Variants in RNF11 observed in about 807,000 individuals in gnomAD.
The protein encoded by RNF11 is ring finger protein 11.
A neutral mutation model predicts 15.8 loss-of-function variants in RNF11; 4 were observed. The ratio of observed to expected loss-of-function variants is 0.25; its 90% CI spans 0.12 to 0.58. RNF11 has a LOEUF of 0.58. Ranked by LOEUF, RNF11 falls within the 20% of genes least tolerant of loss-of-function variation. The probability of loss-of-function intolerance (pLI) is 0.91; values close to 1 mark genes in which losing one functional copy is unlikely to be tolerated. For missense variants in RNF11, 139 were observed against 194.4 expected (o/e 0.71, Z 1.70); for synonymous variants, 68 against 72.3 (o/e 0.94, Z 0.30).
intron 1 of RNF11, among the ~76,000 whole-genome samples, chr1:51,244,664 G>A (rs1164259230): frequency 6.6e-6 from 1 of 152,034 alleles, no homozygotes; most frequent in African/African-American, 2.4e-5. Flanking sequence ...GTGAGCCACC[G>A]CGCCCAGCCT....
At chr1:51,239,658 C>A (rs1376741972) in intron 1 of RNF11, among the ~76,000 whole-genome samples, 1 of 152,142 alleles carries the variant, frequency 6.6e-6, no homozygotes, top group Admixed American at 6.5e-5. Context: ...TCAGGTGATC[C>A]TCCTCCCTCA....
At chr1:51,246,765 A>G (rs1436698860) in intron 1 of RNF11, among the ~76,000 whole-genome samples, 6 of 152,126 alleles carry the variant, frequency 3.9e-5, no homozygotes, top group Non-Finnish European at 1.5e-5. Flanking sequence ...ATAAGATGAA[A>G]AGTTATGGAG....
In RNF11 at chr1:51,236,305, C is replaced by T. The variant is rs1306491820; in HGVS notation, c.-452C>T. 2.6e-5 allele frequency: 4 copies of T among 152,584 alleles called. No individual in the cohort carries two copies. Among genetic ancestry groups the T allele is most frequent in the Admixed American group, 6.5e-5 (1 of 15,294 alleles). 9.5% of individuals were successfully genotyped at this position (152,584 alleles called of 1,614,324 possible). ...GAGCCGGCCTCGTTCTGGCTGCCGC[C>T]GTCTCGCTGAGGCGGAGTAGGATGA... On this transcript the variant is annotated 5_prime_UTR_variant, in exon 1 of 3. Coordinates refer to ENST00000242719, the MANE Select transcript of RNF11 (RefSeq NM_014372.5).
At chr1:51,251,102 C>A (rs551466101) in intron 1 of RNF11, 3 of 1,547,904 alleles carry the variant, frequency 1.9e-6, no homozygotes, top group Non-Finnish European at 2.6e-6. Context: ...TAGCAACAAA[C>A]GCCTTGAACC....
At chr1:51,264,317 TACACACACAC>T (rs376270848) in intron 1 of RNF11, among the ~76,000 whole-genome samples, 25 of 75,486 alleles carry the variant, frequency 3.3e-4, no homozygotes, top group Non-Finnish European at 5.1e-4. Flanking sequence ...TATATATATA[TACACACACAC>T]ACACACACAC....
At chr1:51,267,348 A>G (rs1462413203) in intron 1 of RNF11, among the ~76,000 whole-genome samples, 1 of 152,228 alleles carries the variant, frequency 6.6e-6, no homozygotes, top group Non-Finnish European at 1.5e-5. Flanking sequence ...GGAGGTCCTC[A>G]AAACAGTCCC....
intron 1 of RNF11, among the ~76,000 whole-genome samples, chr1:51,261,957 C>T (rs541582727): frequency 6.6e-6 from 1 of 152,078 alleles, no homozygotes; most frequent in Non-Finnish European, 1.5e-5. Context: ...CCGGTTCAAG[C>T]GATTCTCCTG....
chr1:51,245,805 C>G (rs1646849133), intron 1 of RNF11, among the ~76,000 whole-genome samples: 1 of 152,188 alleles, frequency 6.6e-6, no homozygotes, highest in Admixed American at 6.5e-5. Flanking sequence ...ACATCCCTAA[C>G]TCTGTACCTG....
intron 2 of RNF11, among the ~76,000 whole-genome samples, chr1:51,270,546 AAAAGTAAAAT>A (rs1380582287): frequency 2.0e-5 from 3 of 152,202 alleles, no homozygotes; most frequent in African/African-American, 7.2e-5. Flanking sequence ...CTCTGTCTCA[AAAAGTAAAAT>A]AAAGTAAAAT....
intron 1 of RNF11, chr1:51,251,366 G>A: frequency 6.7e-7 from 1 of 1,494,416 alleles, no homozygotes; most frequent in East Asian, 2.4e-5. Flanking sequence ...GTCTACGGCT[G>A]CGACCCCGGC....
In RNF11 at chr1:51,249,300, C is replaced by T. The variant is rs1269041363; in HGVS notation, c.123+12421C>T. 1.3e-5 allele frequency among the ~76,000 whole-genome samples: 2 copies of T among 152,146 alleles called. 1 individual carries two copies. ...GGTCGATTGATTGAGATAGGGCTCT[C>T]GCTGTGTTACCCAGGATAGCATTGG... On this transcript the variant is annotated intron_variant, in intron 1 of 2. Coordinates refer to ENST00000242719, the MANE Select transcript of RNF11 (RefSeq NM_014372.5).
rs1646982571 is a variant in RNF11 at position 51,272,275 on chromosome 1, CTCT to C, written c.*955_*957del. ...TCAGTTGTAAAAATTTTGATTTATTCTCTTTCTTCTGACCTCCTTGCCTCTTGT... is the reference window on the plus strand; with the variant it reads ...TCAGTTGTAAAAATTTTGATTTATTCTTCTTCTGACCTCCTTGCCTCTTGT... On this transcript the variant is annotated 3_prime_UTR_variant, in exon 3 of 3. Transcript: ENST00000242719. 1.3e-5 allele frequency: 2 copies of C among 152,574 alleles called. No homozygotes were observed. The allele number at this position is 152,574 out of a possible 1,614,324, so 9.5% of individuals were successfully genotyped here. A position where few individuals can be genotyped will look rare whatever the true frequency, so the allele number is the denominator to read the frequency against.
At chr1:51,263,641 G>T (rs552522280) in intron 1 of RNF11, among the ~76,000 whole-genome samples, 1 of 152,274 alleles carries the variant, frequency 6.6e-6, no homozygotes, top group South Asian at 2.1e-4. Context: ...GGTCTGGAAC[G>T]AAACCCACAC....
At chr1:51,259,463 C>T (rs1316109163) in intron 1 of RNF11, among the ~76,000 whole-genome samples, 1 of 152,158 alleles carries the variant, frequency 6.6e-6, no homozygotes, top group Non-Finnish European at 1.5e-5. Context: ...CAGTGGCACT[C>T]TGCTGAAAGA....
At chr1:51,245,105 G>A (rs1646845961) in intron 1 of RNF11, among the ~76,000 whole-genome samples, 1 of 152,186 alleles carries the variant, frequency 6.6e-6, no homozygotes, top group South Asian at 2.1e-4. Flanking sequence ...CTGTTGCCTA[G>A]GCTGAATGTA....
chr1:51,272,222 G>A lies in RNF11; in HGVS notation c.*900G>A, dbSNP rs138476185. 1.8e-4 allele frequency: 27 copies of A among 152,658 alleles called. No homozygotes were observed. Among genetic ancestry groups the A allele is most frequent in the African/African-American group, 4.6e-4 (19 of 41,566 alleles). The allele number at this position is 152,658 out of a possible 1,614,324, so 9.5% of individuals were successfully genotyped here. ...TTTATGTAAAAATGAAGGTGGCACC[G>A]TGGTGAGACCTAATGAGAAATAGTT... On this transcript the variant is annotated 3_prime_UTR_variant, in exon 3 of 3. Transcript: ENST00000242719.
At chr1:51,267,921 G>C (rs1395287604) in intron 1 of RNF11, among the ~76,000 whole-genome samples, 1 of 152,178 alleles carries the variant, frequency 6.6e-6, no homozygotes, top group Non-Finnish European at 1.5e-5. Context: ...AGTAGAGATG[G>C]TGTTTTACCA....
chr1:51,261,928 C>T (rs977339016), intron 1 of RNF11, among the ~76,000 whole-genome samples: 1 of 152,144 alleles, frequency 6.6e-6, no homozygotes, highest in African/African-American at 2.4e-5. Context: ...AGTCTCGGCT[C>T]ACTGCAACCT....
chr1:51,239,199 C>T (rs529505955), intron 1 of RNF11, among the ~76,000 whole-genome samples: 2 of 152,126 alleles, frequency 1.3e-5, no homozygotes, highest in Non-Finnish European at 2.9e-5. Context: ...TTGACTTGTT[C>T]TCTTTCTCCT....
Sources: allele counts gnomAD v4.1 joint callset (sites outside exome capture counted in the v4.1 genomes callset), GRCh38; gene constraint gnomAD v4.1.1; transcripts MANE v1.5; gene names NCBI Gene and HGNC (gene_info 2026-07-23, HGNC 2026-07-21).